Variants in UBR3 observed in about 807,000 individuals in gnomAD.
UBR3 encodes the protein E3 ubiquitin-protein ligase UBR3.
In UBR3, 85 loss-of-function variants were observed where a neutral mutation model predicts 243.2. That is an observed-to-expected ratio of 0.35 (90% CI 0.29 to 0.42). The LOEUF is 0.42. Ranked by LOEUF, UBR3 falls within the 10% of genes least tolerant of loss-of-function variation. The probability of loss-of-function intolerance (pLI) is 1.00; values close to 1 mark genes in which losing one functional copy is unlikely to be tolerated. For synonymous variants in UBR3, 748 were observed against 799.8 expected (o/e 0.94, Z 1.09); for missense variants, 1,686 against 2,300.8 (o/e 0.73, Z 5.47).
rs1459753898 is a variant in UBR3 at position 169,986,627 on chromosome 2, G to A, written c.3635-18G>A. 2.5e-6 allele frequency: 4 copies of A among 1,597,594 alleles called. No individual in the cohort carries two copies. Among genetic ancestry groups the A allele is most frequent in the Admixed American group, 1.8e-5 (1 of 56,894 alleles). On this transcript the variant is annotated intron_variant, in intron 24 of 38. Transcript: ENST00000272793. ...TTTCCTCCTAAGGAATTAAAGAGAT[G>A]TAACTTTTTTCCCTCAGATTCTCCT...
chr2:169,962,397 C>T (rs939410484), intron 24 of UBR3, among the ~76,000 whole-genome samples: 1 of 152,080 alleles, frequency 6.6e-6, no homozygotes, highest in Non-Finnish European at 1.5e-5. Context: ...TAAATGACTG[C>T]AGGTTTGACA....
chr2:170,054,762 T>C (rs533615897), intron 32 of UBR3, among the ~76,000 whole-genome samples: 6 of 152,252 alleles, frequency 3.9e-5, no homozygotes, highest in Admixed American at 6.5e-5. Flanking sequence ...GTGCATCATA[T>C]AGGGGTAGAT....
At chr2:169,972,060 G>T (rs1053535157) in intron 24 of UBR3, among the ~76,000 whole-genome samples, 1 of 151,924 alleles carries the variant, frequency 6.6e-6, no homozygotes, top group East Asian at 1.9e-4. Flanking sequence ...TCAAATAGAC[G>T]CAGTAAAAAA....
At chr2:169,901,297 A>G (rs2084811269) in intron 8 of UBR3, among the ~76,000 whole-genome samples, 1 of 152,200 alleles carries the variant, frequency 6.6e-6, no homozygotes, top group South Asian at 2.1e-4. Context: ...AAAGATTGGT[A>G]AGATCTTTAA....
At chr2:170,011,324 T>C (rs936863552) in intron 29 of UBR3, among the ~76,000 whole-genome samples, 8 of 152,194 alleles carry the variant, frequency 5.3e-5, no homozygotes, top group African/African-American at 1.9e-4. Flanking sequence ...ATGCATAACA[T>C]ATAACATTCC....
At chr2:170,055,339 A>C in intron 32 of UBR3, 121 bp from the exon 33 acceptor site, 6 of 1,168,052 alleles carry the variant, frequency 5.1e-6, no homozygotes, top group Non-Finnish European at 7.2e-6. Flanking sequence ...AAACAAAAAA[A>C]CTATTAAGTG....
At chr2:169,866,233 G>A (rs1417222559) in intron 1 of UBR3, among the ~76,000 whole-genome samples, 3 of 142,288 alleles carry the variant, frequency 2.1e-5, no homozygotes, top group Non-Finnish European at 4.5e-5. Context: ...CTCCAGCCTG[G>A]GCAACAGAGT....
intron 35 of UBR3, among the ~76,000 whole-genome samples, chr2:170,068,697 C>G (rs2091633238): frequency 6.6e-6 from 1 of 151,582 alleles, no homozygotes; most frequent in African/African-American, 2.4e-5. Flanking sequence ...TCAGTAAAAC[C>G]CAGATGACAG....
intron 19 of UBR3, among the ~76,000 whole-genome samples, chr2:169,934,847 A>G (rs750535801): frequency 6.2e-4 from 95 of 152,236 alleles, no homozygotes; most frequent in Non-Finnish European, 1.1e-3. Context: ...TTAGATGCTT[A>G]GAATTTTAGG....
chr2:169,862,287 C>T (rs778085206), intron 1 of UBR3, among the ~76,000 whole-genome samples: 14 of 151,712 alleles, frequency 9.2e-5, no homozygotes, highest in Non-Finnish European at 1.9e-4. Flanking sequence ...AAAGTTTTTT[C>T]TTTTCGTTCT....
intron 1 of UBR3, among the ~76,000 whole-genome samples, chr2:169,849,942 T>C (rs2082602216): frequency 6.6e-6 from 1 of 152,120 alleles, no homozygotes; most frequent in African/African-American, 2.4e-5. Flanking sequence ...GGAGATCTAG[T>C]TGATGACTGC....
chr2:169,980,613 G>C (rs1228117212), intron 24 of UBR3, among the ~76,000 whole-genome samples: 2 of 150,918 alleles, frequency 1.3e-5, no homozygotes, highest in Admixed American at 1.3e-4. Flanking sequence ...CCAGATCTTG[G>C]TTTCTTTTTT....
intron 26 of UBR3, among the ~76,000 whole-genome samples, chr2:169,995,169 C>CG (rs200416519): frequency 0.012 from 1,766 of 151,936 alleles, 47 homozygotes; most frequent in African/African-American, 0.039. Flanking sequence ...TGCATAATAA[C>CG]GATGTGGTAT....
intron 1 of UBR3, among the ~76,000 whole-genome samples, chr2:169,834,631 T>C (rs1402928910): frequency 6.6e-6 from 1 of 152,210 alleles, no homozygotes; most frequent in African/African-American, 2.4e-5. Context: ...TCATCTGTTA[T>C]CTCCCTGTCC....
At chr2:169,940,689 T>A (rs1047050030) in intron 19 of UBR3, among the ~76,000 whole-genome samples, 2 of 152,190 alleles carry the variant, frequency 1.3e-5, no homozygotes, top group Non-Finnish European at 2.9e-5. Flanking sequence ...TCCTTTACTA[T>A]GGTTGTAGAT....
In UBR3 at chr2:169,961,874, G is replaced by GTTTT. The variant is rs34504571; in HGVS notation, c.3634+3361_3634+3364dup. The stretch of plus-strand genomic sequence containing the variant: ...TGAAACTATGAGAATTTTTTCCCAT[G>GTTTT]TTTTTTTTTTTTTTTTGATAACTGG... On this transcript the variant is annotated intron_variant, in intron 24 of 38. Coordinates refer to ENST00000272793, the MANE Select transcript of UBR3 (RefSeq NM_172070.4). 2.4e-3 allele frequency among the ~76,000 whole-genome samples: 332 copies of GTTTT among 136,824 alleles called. 11 individuals are homozygous for GTTTT. Among genetic ancestry groups the GTTTT allele is most frequent in the Admixed American group, 5.8e-3 (78 of 13,378 alleles). The allele number at this position is 136,824 out of a possible 152,430, so 89.8% of individuals were successfully genotyped here. A position where few individuals can be genotyped will look rare whatever the true frequency, so the allele number is the denominator to read the frequency against.
chr2:169,835,399 C>A (rs1395855155), intron 1 of UBR3, among the ~76,000 whole-genome samples: 1 of 152,056 alleles, frequency 6.6e-6, no homozygotes, highest in Non-Finnish European at 1.5e-5. Flanking sequence ...AACAACTCCC[C>A]CAAAACCACA....
At chr2:169,896,819 T>C in intron 8 of UBR3, 84 bp downstream of exon 8, 1 of 917,376 alleles carries the variant, frequency 1.1e-6, no homozygotes, top group African/African-American at 1.7e-5. Context: ...TACTTAGTAA[T>C]ATTACTAATA....
In UBR3 at chr2:169,866,372, T is replaced by G. The variant is rs560047005; in HGVS notation, c.546-5864T>G. Among the ~76,000 whole-genome samples the G allele has an allele frequency of 6.7e-5, 10 of 149,348 alleles. No individual in the cohort carries two copies. In the Middle Eastern group the frequency reaches 0.014, roughly 207 times the overall value. On this transcript the variant is annotated intron_variant, in intron 1 of 38. Transcript: ENST00000272793. ...GGAAGAAGTTTTTTTGTTTTTTTGT[T>G]TTTTTTTTTGAGATGAAGTCTTGCT...
Sources: allele counts gnomAD v4.1 joint callset (sites outside exome capture counted in the v4.1 genomes callset), GRCh38; gene constraint gnomAD v4.1.1; transcripts MANE v1.5; gene names NCBI Gene and HGNC (gene_info 2026-07-23, HGNC 2026-07-21).